SLC7A14: variants seen among roughly 807,000 people sequenced by gnomAD.
SLC7A14 encodes the protein gamma-aminobutyric acid transporter SLC7A14.
Under a neutral mutation model 60.2 loss-of-function variants are expected in SLC7A14, and 37 were observed. That is an observed-to-expected ratio of 0.61 (90% CI 0.47 to 0.81). The LOEUF (loss-of-function observed/expected upper bound fraction) is 0.81. Among genes scored for constraint, SLC7A14 ranks in the 30% least tolerant of loss-of-function variants. SLC7A14 has a pLI of 0.00. For missense variants in SLC7A14, 886 were observed against 982.7 expected, an observed-to-expected ratio of 0.90 and a Z score of 1.32; for synonymous variants, 399 against 395.8, an observed-to-expected ratio of 1.01 and a Z score of -0.10.
Position 170,577,624 on chromosome 3 carries a change from CAAAAAAA to C in SLC7A14, c.-153+8280_-153+8286del, listed in dbSNP as rs56357954. On this transcript the variant is annotated intron_variant, in intron 1 of 7. Coordinates refer to ENST00000231706, the MANE Select transcript of SLC7A14 (RefSeq NM_020949.3). Reference sequence around the variant, plus strand: ...TGGGCGACAGAGCGAGACTCCGTCTCAAAAAAAAAAAAAAAAAAAAAAAAGAAAACCA... The same window carrying C: ...TGGGCGACAGAGCGAGACTCCGTCTCAAAAAAAAAAAAAAAAAGAAAACCA... 8.0e-3 allele frequency among the ~76,000 whole-genome samples: 417 copies of C among 52,052 alleles called. 1 individual carries two copies. Among genetic ancestry groups the C allele is most frequent in the Non-Finnish European group, 0.012 (285 of 23,200 alleles). 34.1% of individuals were successfully genotyped at this position (52,052 alleles called of 152,430 possible). A position where few individuals can be genotyped will look rare whatever the true frequency, so the allele number is the denominator to read the frequency against.
intron 1 of SLC7A14, among the ~76,000 whole-genome samples, chr3:170,555,035 G>C (rs1714450421): frequency 6.6e-6 from 1 of 151,972 alleles, no homozygotes; most frequent in African/African-American, 2.4e-5. Context: ...GGGCATGGTG[G>C]TGCACACCTG....
chr3:170,489,187 G>A (rs1712134925), intron 4 of SLC7A14, among the ~76,000 whole-genome samples: 1 of 152,060 alleles, frequency 6.6e-6, no homozygotes, highest in Non-Finnish European at 1.5e-5. Context: ...CAGAATAGGA[G>A]AAAATATCTG....
intron 1 of SLC7A14, among the ~76,000 whole-genome samples, chr3:170,537,835 G>C (rs986885354): frequency 2.0e-5 from 3 of 152,172 alleles, no homozygotes; most frequent in African/African-American, 7.2e-5. Context: ...TATTTAAAAA[G>C]GTGAATGGAG....
intron 1 of SLC7A14, among the ~76,000 whole-genome samples, chr3:170,561,974 C>A (rs1273897442): frequency 2.6e-5 from 4 of 152,032 alleles, no homozygotes; most frequent in South Asian, 2.1e-4. Context: ...TGGCCATAAT[C>A]AAAAAATAAA....
chr3:170,468,455 G>A lies in SLC7A14; in HGVS notation c.1994-1078C>T, dbSNP rs1051626231. On this transcript the variant is annotated intron_variant, in intron 7 of 7. Transcript: ENST00000231706. ...TGGGACCACAGGCATGTGCCACCAC[G>A]CCCAGCTAATTTTTGTATTTTTGAG... Among the ~76,000 whole-genome samples, 136 of 152,082 alleles carry A rather than the reference G, an allele frequency of 8.9e-4. 1 individual carries two copies. Among genetic ancestry groups the A allele is most frequent in the African/African-American group, 3.1e-3 (130 of 41,466 alleles).
At chr3:170,492,341 T>C (rs1712247432) in intron 4 of SLC7A14, among the ~76,000 whole-genome samples, 1 of 152,128 alleles carries the variant, frequency 6.6e-6, no homozygotes, top group Non-Finnish European at 1.5e-5. Flanking sequence ...AATTAAAAAA[T>C]AGTATTGAAA....
At chr3:170,483,588 G>A (rs183822848) in intron 5 of SLC7A14, 66 bp from the exon 6 acceptor site, 22 of 1,567,464 alleles carry the variant, frequency 1.4e-5, no homozygotes, top group East Asian at 9.0e-5. Context: ...GAGGCCCCAC[G>A]GGAGAGGAAA....
intron 2 of SLC7A14, among the ~76,000 whole-genome samples, chr3:170,506,403 A>T (rs1476855909): frequency 6.6e-6 from 1 of 152,246 alleles, no homozygotes; most frequent in Non-Finnish European, 1.5e-5. Context: ...CCTAAAAATC[A>T]GTTAGAACTT....
At chr3:170,562,409 A>G (rs578089116) in intron 1 of SLC7A14, among the ~76,000 whole-genome samples, 1 of 147,154 alleles carries the variant, frequency 6.8e-6, no homozygotes, top group African/African-American at 2.5e-5. Flanking sequence ...TGAAACTTGT[A>G]TGTTCTCACT....
rs1711791748 is a variant in SLC7A14, at chr3:170,480,920, GC to G, written c.1361del (p.Gly454AlafsTer14). On this transcript the variant is annotated frameshift_variant, in exon 7 of 8. Transcript: ENST00000231706. LOFTEE classifies it high-confidence loss of function. Reference sequence around the variant, plus strand: ...CTTCCTTCTCACAGTCAGCCAGAATGCCCTCCTTCTTCTTGGTGTGCTCCTC... The same window carrying G: ...CTTCCTTCTCACAGTCAGCCAGAATGCCTCCTTCTTCTTGGTGTGCTCCTC... ...LSEEHTKKKE[G>X]ILADCEKEAC... 1 of 1,613,906 alleles carries G rather than the reference GC, an allele frequency of 6.2e-7. No homozygotes were observed. Among genetic ancestry groups the G allele is most frequent in the African/African-American group, 1.3e-5 (1 of 74,952 alleles).
At chr3:170,487,680 C>T (rs1179817634) in intron 4 of SLC7A14, among the ~76,000 whole-genome samples, 1 of 152,168 alleles carries the variant, frequency 6.6e-6, no homozygotes, top group Admixed American at 6.5e-5. Flanking sequence ...AAACTTTGCT[C>T]ATCTGTAAAA....
chr3:170,467,198 C>T lies in SLC7A14; in HGVS notation c.2173G>A (p.Glu725Lys). Residue 725 changes from glutamate (E) to lysine (K), a missense_variant, in exon 8 of 8, where the codon GAA becomes AAA. Physicochemically the swap from Glu to Lys is moderately conservative, Grantham distance 56. Transcript: ENST00000231706. ...TGTTGGTAATAGAAGCCTTTGTCTT[C>T]AGTGGGCCCGCCCCAGTCCTCCTGG... The part of the protein sequence containing the change: ...ESQEDWGGPT[E>K]DKGFYYQQMS... The T allele has an allele frequency of 6.2e-7, 1 of 1,614,234 alleles. No individual in the cohort carries two copies. The highest frequency in any genetic ancestry group is 2.2e-5 in the East Asian group (1 of 44,886).
chr3:170,495,155 C>A (rs757520524), intron 4 of SLC7A14, among the ~76,000 whole-genome samples: 26 of 152,222 alleles, frequency 1.7e-4, no homozygotes, highest in Admixed American at 6.5e-5. Flanking sequence ...ACAACCGTAA[C>A]AAGCTGCACA....
At chr3:170,498,137 G>A (rs2108278703) in intron 4 of SLC7A14, among the ~76,000 whole-genome samples, 1 of 152,252 alleles carries the variant, frequency 6.6e-6, no homozygotes, top group African/African-American at 2.4e-5. Flanking sequence ...TTATTGCCTT[G>A]TGTATTTATG....
At chr3:170,469,747 G>A (rs1416495061) in intron 7 of SLC7A14, among the ~76,000 whole-genome samples, 1 of 152,014 alleles carries the variant, frequency 6.6e-6, no homozygotes, top group Non-Finnish European at 1.5e-5. Context: ...TCCTACTCCT[G>A]CTTGGTACCT....
intron 2 of SLC7A14, among the ~76,000 whole-genome samples, chr3:170,515,085 G>C (rs1713107518): frequency 6.6e-6 from 1 of 152,040 alleles, no homozygotes; most frequent in South Asian, 2.1e-4. Flanking sequence ...GGCCGAGGCA[G>C]GTGGATCACC....
At chr3:170,574,627 G>C (rs2108316647) in intron 1 of SLC7A14, among the ~76,000 whole-genome samples, 1 of 152,236 alleles carries the variant, frequency 6.6e-6, no homozygotes, top group Non-Finnish European at 1.5e-5. Flanking sequence ...TCCCTAACCA[G>C]CTTCTTAATG....
In SLC7A14 at chr3:170,479,730, A is replaced by G. The variant is rs1711746927; in HGVS notation, c.1993+559T>C. On this transcript the variant is annotated intron_variant, in intron 7 of 7. Transcript: ENST00000231706. ...CTTGGGAAATATGAAAAACTTTTGA[A>G]TATTTTACAAAAGTCAGTATGAAGT... Among the ~76,000 whole-genome samples, 3 of 152,214 alleles carry G rather than the reference A, an allele frequency of 2.0e-5. No individual in the cohort carries two copies. The South Asian group carries it at 6.2e-4, about 32-fold the overall frequency.
chr3:170,568,226 T>C (rs1476066982), intron 1 of SLC7A14, among the ~76,000 whole-genome samples: 1 of 152,208 alleles, frequency 6.6e-6, no homozygotes, highest in African/African-American at 2.4e-5. Flanking sequence ...TTTCTACATA[T>C]GGCTAGCCAG....
Sources: allele counts gnomAD v4.1 joint callset (sites outside exome capture counted in the v4.1 genomes callset), GRCh38; gene constraint gnomAD v4.1.1; transcripts MANE v1.5; gene names NCBI Gene and HGNC (gene_info 2026-07-23, HGNC 2026-07-21).